FAM83B: variants seen among roughly 807,000 people sequenced by gnomAD.
FAM83B encodes protein FAM83B.
In FAM83B, 26 loss-of-function variants were observed where a neutral mutation model predicts 38.8. The ratio of observed to expected loss-of-function variants is 0.67; its 90% confidence interval spans 0.49 to 0.93. The LOEUF (loss-of-function observed/expected upper bound fraction) is 0.93, where lower values mean the gene tolerates loss of function less well. FAM83B is among the 40% of genes least tolerant of loss of function. The pLI is 0.00. For missense variants in FAM83B, 1,237 were observed against 1,197.3 expected (o/e 1.03, Z -0.49); for synonymous variants, 419 against 423.1 (o/e 0.99, Z 0.12).
intron 1 of FAM83B, among the ~76,000 whole-genome samples, chr6:54,848,427 C>A (rs746863731): frequency 1.6e-4 from 25 of 152,150 alleles, no homozygotes; most frequent in Admixed American, 1.3e-4. Flanking sequence ...TTGTGGGAAG[C>A]ATTACCAGTT....
intron 4 of FAM83B, among the ~76,000 whole-genome samples, chr6:54,933,120 A>G (rs1442851702): frequency 6.6e-6 from 1 of 150,764 alleles, no homozygotes; most frequent in African/African-American, 2.5e-5. Context: ...ATTCTTTAGT[A>G]TATCTTTGCT....
chr6:54,848,304 G>C (rs74761285), intron 1 of FAM83B, among the ~76,000 whole-genome samples: 1 of 152,104 alleles, frequency 6.6e-6, no homozygotes, highest in Non-Finnish European at 1.5e-5. Flanking sequence ...AGGCACACGT[G>C]GGGTATACAC....
intron 2 of FAM83B, among the ~76,000 whole-genome samples, chr6:54,919,500 T>A (rs1033087950): frequency 6.6e-6 from 1 of 152,034 alleles, no homozygotes; most frequent in African/African-American, 2.4e-5. Flanking sequence ...TCTAGATTTT[T>A]CCCCCCACTT....
At chr6:54,861,826 C>T (rs1271867002) in intron 1 of FAM83B, among the ~76,000 whole-genome samples, 3 of 152,188 alleles carry the variant, frequency 2.0e-5, no homozygotes, top group South Asian at 2.1e-4. Flanking sequence ...AGTAACTCAC[C>T]GGACCAACTC....
chr6:54,904,345 A>G (rs1772729565), intron 2 of FAM83B, among the ~76,000 whole-genome samples: 1 of 152,132 alleles, frequency 6.6e-6, no homozygotes, highest in South Asian at 2.1e-4. Context: ...CACAAGTTCT[A>G]AGGTACCTGT....
chr6:54,866,926 A>G (rs1771720914), intron 1 of FAM83B, among the ~76,000 whole-genome samples: 2 of 152,018 alleles, frequency 1.3e-5, no homozygotes, highest in African/African-American at 2.4e-5. Context: ...TTTCAGTGGA[A>G]TTTCTACTTG....
intron 4 of FAM83B, among the ~76,000 whole-genome samples, chr6:54,928,621 T>C (rs535853079): frequency 6.6e-6 from 1 of 152,218 alleles, no homozygotes; most frequent in African/African-American, 2.4e-5. Flanking sequence ...CAGCAGAAAA[T>C]ACAGCTAGTG....
At chr6:54,876,810 TACTG>T (rs1482042800) in intron 2 of FAM83B, among the ~76,000 whole-genome samples, 8 of 152,274 alleles carry the variant, frequency 5.3e-5, no homozygotes, top group African/African-American at 1.9e-4. Context: ...GAGGTAGTGT[TACTG>T]ACTATGGTAC....
At chr6:54,849,108 C>T (rs1255637262) in intron 1 of FAM83B, among the ~76,000 whole-genome samples, 1 of 152,156 alleles carries the variant, frequency 6.6e-6, no homozygotes, top group Non-Finnish European at 1.5e-5. Flanking sequence ...TACATCCGCT[C>T]CCCCATGGAA....
chr6:54,911,140 C>CGTGTGTGT (rs138421344), intron 2 of FAM83B, among the ~76,000 whole-genome samples: 9,907 of 147,294 alleles, frequency 0.067, 469 homozygotes, highest in African/African-American at 0.12. Flanking sequence ...TGACACACAG[C>CGTGTGTGT]GTGTGTGTGT....
chr6:54,868,380 A>T (rs1054408563), intron 1 of FAM83B, among the ~76,000 whole-genome samples: 2 of 152,152 alleles, frequency 1.3e-5, no homozygotes, highest in African/African-American at 4.8e-5. Context: ...TGAGGGACAA[A>T]TCTTCCCTTT....
chr6:54,898,845 G>A (rs1054198523), intron 2 of FAM83B, among the ~76,000 whole-genome samples: 1 of 152,072 alleles, frequency 6.6e-6, no homozygotes, highest in Non-Finnish European at 1.5e-5. Flanking sequence ...TGCTTGGACT[G>A]TTTCAGGAAC....
chr6:54,910,286 T>G (rs552297140), intron 2 of FAM83B, among the ~76,000 whole-genome samples: 3 of 152,296 alleles, frequency 2.0e-5, no homozygotes, highest in East Asian at 1.9e-4. Context: ...AAATACATTC[T>G]CCTCATGTAC....
chr6:54,936,551 G>A (rs239791), intron 4 of FAM83B, among the ~76,000 whole-genome samples: 44,197 of 151,544 alleles, frequency 0.29, 9,734 homozygotes, highest in African/African-American at 0.62. Context: ...CTACATAATC[G>A]AACTTTCTGT....
chr6:54,863,001 G>A (rs997728760), intron 1 of FAM83B, among the ~76,000 whole-genome samples: 2 of 152,144 alleles, frequency 1.3e-5, no homozygotes, highest in East Asian at 3.8e-4. Flanking sequence ...GAGAAACTGG[G>A]AAGAAGAGTA....
At position 54,933,074 on chromosome 6, in the gene FAM83B, C is replaced by T. The variant is rs1581930498; in HGVS notation, c.734+5442C>T. Among the ~76,000 whole-genome samples, 4 of 152,088 alleles carry T rather than the reference C, an allele frequency of 2.6e-5. No homozygotes were observed. The South Asian group carries it at 6.2e-4, about 24-fold the overall frequency. On this transcript the variant is annotated intron_variant, in intron 4 of 4. Transcript: ENST00000306858. ...TTGCCTCTCCTCTTTCTGAGCTTCTCATAATGCAATATTGATCTCCTTGGT... is the reference window on the plus strand; with the variant it reads ...TTGCCTCTCCTCTTTCTGAGCTTCTTATAATGCAATATTGATCTCCTTGGT...
intron 2 of FAM83B, among the ~76,000 whole-genome samples, chr6:54,896,689 A>G (rs955447299): frequency 1.3e-4 from 20 of 152,258 alleles, no homozygotes; most frequent in Admixed American, 5.2e-4. Flanking sequence ...TCAATGTCTC[A>G]GAGTATTTTT....
chr6:54,941,690 A>G lies in FAM83B; in HGVS notation c.2719A>G (p.Thr907Ala), dbSNP rs1350436398. The change falls in exon 5 of 5, where the codon ACC becomes GCC. Residue 907 changes from threonine to alanine, a missense_variant. By Grantham distance (58) the Thr-to-Ala change is moderately conservative (BLOSUM62 0). Transcript: ENST00000306858. Reference sequence around the variant, plus strand: ...TTCAAGGGAGATTAATGCAGTTGTTACCCCTGAAAGAAGACCTACTTCTTC... The same window carrying G: ...TTCAAGGGAGATTAATGCAGTTGTTGCCCCTGAAAGAAGACCTACTTCTTC... ...RDSREINAVV[T>A]PERRPTSSPR... 1.2e-6 allele frequency: 2 copies of G among 1,614,060 alleles called. No homozygotes were observed. The highest frequency in any genetic ancestry group is 2.2e-5 in the East Asian group (1 of 44,868).
intron 1 of FAM83B, among the ~76,000 whole-genome samples, chr6:54,863,459 C>G (rs1193449033): frequency 6.6e-6 from 1 of 150,532 alleles, no homozygotes; most frequent in East Asian, 1.9e-4. Flanking sequence ...GCTTAAGGCC[C>G]TTAAATAACA....
Sources: allele counts gnomAD v4.1 joint callset (sites outside exome capture counted in the v4.1 genomes callset), GRCh38; gene constraint gnomAD v4.1.1; transcripts MANE v1.5; gene names NCBI Gene and HGNC (gene_info 2026-07-23, HGNC 2026-07-21).